The following FIGN variants were observed in gnomAD, a reference collection of about 807,000 sequenced individuals.
The protein encoded by FIGN is fidgetin, microtubule severing factor, also known as fidgetin.
Under a neutral mutation model 51.3 loss-of-function variants are expected in FIGN, and 11 were observed. The observed-to-expected ratio is 0.21, with a 90% CI of 0.13 to 0.35. FIGN has a LOEUF of 0.35. Ranked by LOEUF, FIGN falls within the 10% of genes least tolerant of loss-of-function variation. The probability of loss-of-function intolerance (pLI) is 1.00; values close to 1 mark genes in which losing one functional copy is unlikely to be tolerated. For synonymous variants in FIGN, 407 were observed against 363.2 expected, an observed-to-expected ratio of 1.12 and a Z score of -1.37; for missense variants, 857 against 943.6, an observed-to-expected ratio of 0.91 and a Z score of 1.20.
chr2:163,612,443 C>T (rs1433635254), intron 2 of FIGN: 1 of 985,252 alleles, frequency 1.0e-6, no homozygotes, highest in Non-Finnish European at 1.2e-6. Flanking sequence ...TAAAGTGGTC[C>T]ACGACAGTTT....
chr2:163,640,977 G>A (rs1339795037), intron 2 of FIGN, among the ~76,000 whole-genome samples: 1 of 152,178 alleles, frequency 6.6e-6, no homozygotes, highest in East Asian at 1.9e-4. Flanking sequence ...GAAACCCACA[G>A]CTAGCCAGGG....
chr2:163,697,300 C>T (rs1217809272), intron 2 of FIGN, among the ~76,000 whole-genome samples: 8 of 150,726 alleles, frequency 5.3e-5, no homozygotes, highest in African/African-American at 1.7e-4. Context: ...AGGGTTTCGC[C>T]AAGTTGGCCA....
At chr2:163,730,959 C>T (rs979645198) in intron 2 of FIGN, among the ~76,000 whole-genome samples, 6 of 152,096 alleles carry the variant, frequency 3.9e-5, no homozygotes, top group Non-Finnish European at 5.9e-5. Flanking sequence ...GGTAAAATAG[C>T]ACCTTTCTAT....
At chr2:163,726,907 T>C (rs1684846503) in intron 2 of FIGN, among the ~76,000 whole-genome samples, 1 of 152,096 alleles carries the variant, frequency 6.6e-6, no homozygotes, top group Non-Finnish European at 1.5e-5. Flanking sequence ...ACTGTTTATT[T>C]CATAGTATTT....
At position 163,606,798 on chromosome 2, in the gene FIGN, C is replaced by G; in HGVS notation, c.*2754G>C. The G allele has an allele frequency of 6.6e-6, 1 of 152,186 alleles. No individual in the cohort carries two copies. The allele number at this position is 152,186 out of a possible 1,614,324, so 9.4% of individuals were successfully genotyped here. Reference sequence around the variant, plus strand: ...TGCCCAATTTCCTAAGAGATCAAATCTTGGATTTTGTGAGGCTAAATGAAA... The same window carrying G: ...TGCCCAATTTCCTAAGAGATCAAATGTTGGATTTTGTGAGGCTAAATGAAA... On this transcript the variant is annotated 3_prime_UTR_variant, in exon 3 of 3. Coordinates refer to ENST00000333129, the MANE Select transcript of FIGN (RefSeq NM_018086.4).
intron 1 of FIGN, among the ~76,000 whole-genome samples, chr2:163,735,575 C>A (rs886251190): frequency 6.6e-6 from 1 of 152,140 alleles, no homozygotes; most frequent in Non-Finnish European, 1.5e-5. Context: ...GAGATTCTTG[C>A]AATCGCGAAC....
chr2:163,612,617 G>A lies in FIGN; in HGVS notation c.26-811C>T, dbSNP rs909265238. The A allele has an allele frequency of 6.1e-6, 6 of 983,966 alleles. No individual in the cohort carries two copies. In the South Asian group the frequency reaches 1.4e-4, roughly 23 times the overall value. 61.0% of individuals were successfully genotyped at this position (983,966 alleles called of 1,614,324 possible). Reference sequence around the variant, plus strand: ...AAAAAACAAGCATCACTTGTCTGTCGGTCTTCTAGCGTTCTCCCTCCTTCT... The same window carrying A: ...AAAAAACAAGCATCACTTGTCTGTCAGTCTTCTAGCGTTCTCCCTCCTTCT... On this transcript the variant is annotated intron_variant, in intron 2 of 2. Transcript: ENST00000333129.
Position 163,610,442 on chromosome 2 carries a change from T to G in FIGN, c.1390A>C (p.Thr464Pro). ...ACCAGGTCGATGAGGTGCGTGTCAG[T>G]ATTCTTCAGTTGCTCGTCCACAGAG... The part of the protein sequence containing the change: ...NHSVDEQLKN[T>P]DTHLIDLVTN... Residue 464 changes from threonine (T) to proline (P), a missense_variant, in exon 3 of 3, where the codon ACT (threonine) becomes CCT (proline). By Grantham distance (38) the Thr-to-Pro change is conservative (BLOSUM62 -1). Around this residue, in one of 3 missense-constraint regions of FIGN, gnomAD observed 799 missense variants for 849.5 expected, o/e 0.94. Coordinates refer to ENST00000333129, the MANE Select transcript of FIGN (RefSeq NM_018086.4). 3 of 1,614,148 alleles carry G rather than the reference T, an allele frequency of 1.9e-6. No homozygotes were observed. Among genetic ancestry groups the G allele is most frequent in the Non-Finnish European group, 2.5e-6 (3 of 1,180,036 alleles).
At chr2:163,639,716 C>A (rs1026175660) in intron 2 of FIGN, among the ~76,000 whole-genome samples, 1 of 152,170 alleles carries the variant, frequency 6.6e-6, no homozygotes, top group African/African-American at 2.4e-5. Context: ...ACAACAAAAT[C>A]TAAAAGGCAT....
At chr2:163,660,700 T>TATATTTTTTTTTTTTTTTTTTTTGAG (rs2105326904) in intron 2 of FIGN, among the ~76,000 whole-genome samples, 1 of 122,412 alleles carries the variant, frequency 8.2e-6, no homozygotes, top group South Asian at 2.6e-4. Flanking sequence ...TATACATATA[T>TATATTTTTTTTTTTTTTTTTTTTGAG]ATGTATACAC....
chr2:163,725,787 AC>A (rs1684829756), intron 2 of FIGN, among the ~76,000 whole-genome samples: 1 of 152,180 alleles, frequency 6.6e-6, no homozygotes, highest in African/African-American at 2.4e-5. Flanking sequence ...TTATTAAAGA[AC>A]AAAACATAAT....
intron 2 of FIGN, among the ~76,000 whole-genome samples, chr2:163,651,750 G>A (rs1280971870): frequency 6.6e-6 from 1 of 152,108 alleles, no homozygotes; most frequent in African/African-American, 2.4e-5. Context: ...AGTTCATTCT[G>A]TTTAGGAGAT....
chr2:163,691,321 A>C (rs1684235463), intron 2 of FIGN, among the ~76,000 whole-genome samples: 1 of 152,178 alleles, frequency 6.6e-6, no homozygotes, highest in South Asian at 2.1e-4. Flanking sequence ...TCTTGAAAAG[A>C]AAATAAAGAA....
intron 2 of FIGN, among the ~76,000 whole-genome samples, chr2:163,727,579 A>T (rs1684856674): frequency 6.6e-6 from 1 of 152,162 alleles, no homozygotes; most frequent in Non-Finnish European, 1.5e-5. Flanking sequence ...AAGTCTAACA[A>T]GGCATTCAAA....
At chr2:163,707,469 C>T (rs1218460630) in intron 2 of FIGN, among the ~76,000 whole-genome samples, 1 of 151,986 alleles carries the variant, frequency 6.6e-6, no homozygotes, top group African/African-American at 2.4e-5. Context: ...AGTGACAAAA[C>T]AGAAACAAAG....
intron 2 of FIGN, among the ~76,000 whole-genome samples, chr2:163,734,623 TTATA>T (rs201126803): frequency 3.4e-5 from 5 of 148,544 alleles, no homozygotes; most frequent in Non-Finnish European, 7.4e-5. Flanking sequence ...ACTTCAGCAG[TTATA>T]TATATATAGT....
At position 163,675,664 on chromosome 2, in the gene FIGN, T is replaced by C. The variant is rs372829552; in HGVS notation, c.25+59239A>G. ...TTTCTAGCATAATTCTTTTTCTACT[T>C]GCCAAGTCCCTTTACTTGAATGTCT... On this transcript the variant is annotated intron_variant, in intron 2 of 2. Coordinates refer to ENST00000333129, the MANE Select transcript of FIGN (RefSeq NM_018086.4). 3.2e-4 allele frequency among the ~76,000 whole-genome samples: 49 copies of C among 151,620 alleles called. No homozygotes were observed. In the South Asian group the frequency reaches 8.7e-3, roughly 27 times the overall value.
intron 2 of FIGN, among the ~76,000 whole-genome samples, chr2:163,730,504 T>TTG (rs59444555): frequency 0.21 from 30,684 of 148,708 alleles, 3,071 homozygotes; most frequent in African/African-American, 0.23. Flanking sequence ...TGCTCCGTGT[T>TTG]TGTGTGTGTG....
chr2:163,668,272 A>C (rs1683816410), intron 2 of FIGN, among the ~76,000 whole-genome samples: 1 of 152,160 alleles, frequency 6.6e-6, no homozygotes, highest in Admixed American at 6.5e-5. Context: ...ATTAAAAAAG[A>C]AGGGTCAAGC....
Sources: gnomAD v4.1 joint callset for allele counts (sites outside exome capture counted in the v4.1 genomes callset) on GRCh38, gnomAD v4.1.1 for gene constraint, gnomAD v4.1.1 regional missense constraint, MANE v1.5 for transcripts, NCBI Gene and HGNC (gene_info 2026-07-23, HGNC 2026-07-21) for gene names.